Variants in CPB1 observed in about 807,000 individuals in gnomAD.
CPB1 encodes carboxypeptidase B1.
A neutral mutation model predicts 51.4 loss-of-function variants in CPB1; 53 were observed. That is an observed-to-expected ratio of 1.03 (90% CI 0.83 to 1.30). CPB1 has a LOEUF of 1.30. Among genes scored for constraint, CPB1 ranks in the 50% most tolerant of loss-of-function variants. The probability of loss-of-function intolerance (pLI) is 0.00; values close to 1 mark genes in which losing one functional copy is unlikely to be tolerated. For missense variants in CPB1, 494 were observed against 516.2 expected, an observed-to-expected ratio of 0.96 and a Z score of 0.42; for synonymous variants, 189 against 186.9, an observed-to-expected ratio of 1.01 and a Z score of -0.09.
At chr3:148,834,768 G>T in intron 3 of CPB1, 146 bp downstream of exon 3, 1 of 676,426 alleles carries the variant, frequency 1.5e-6, no homozygotes, top group Non-Finnish European at 2.4e-6. Context: ...AGCTGGCCCT[G>T]GATTCCAAGT....
chr3:148,840,263 C>T (rs1050782898), intron 3 of CPB1, among the ~76,000 whole-genome samples: 2 of 152,030 alleles, frequency 1.3e-5, no homozygotes, highest in South Asian at 2.1e-4. Context: ...CTTCCTGAAA[C>T]GCAAGACTTT....
At chr3:148,851,375 A>AAAAGAAAGAAAGAAAG (rs1182321242) in intron 9 of CPB1, 2 of 144,276 alleles carry the variant, frequency 1.4e-5, no homozygotes, top group African/African-American at 5.1e-5. Context: ...AAGAGAGAAA[A>AAAAGAAAGAAAGAAAG]AAAGAAAGAA....
chr3:148,844,715 A>G lies in CPB1; in HGVS notation c.726A>G (p.Gly242=), dbSNP rs1713183309. ...GAAAGACTCGCTCCACCCATACTGGATCTAGCTGCATTGGCACAGACCCCA... is the reference window on the plus strand; with the variant it reads ...GAAAGACTCGCTCCACCCATACTGGGTCTAGCTGCATTGGCACAGACCCCA... The part of the protein sequence containing the change: ...FWRKTRSTHT[G]SSCIGTDPNR... The change falls in exon 8 of 11, where the codon GGA becomes GGG. Residue 242 remains glycine (G), a synonymous_variant. Transcript: ENST00000282957. 1 of 1,613,904 alleles carries G rather than the reference A, an allele frequency of 6.2e-7. No homozygotes were observed. The highest frequency in any genetic ancestry group is 1.3e-5 in the African/African-American group (1 of 74,928).
chr3:148,847,404 A>C (rs1017992524), intron 9 of CPB1, among the ~76,000 whole-genome samples: 8 of 145,718 alleles, frequency 5.5e-5, no homozygotes, highest in Admixed American at 4.8e-4. Flanking sequence ...AAAGACAAGT[A>C]AGTCCTGCCT....
At chr3:148,844,393 A>G (rs1269572832) in intron 6 of CPB1, 85 bp from the exon 7 acceptor site, 3 of 962,762 alleles carry the variant, frequency 3.1e-6, no homozygotes, top group Non-Finnish European at 4.8e-6. Flanking sequence ...TTATTACCAA[A>G]GTTAACATTC....
intron 9 of CPB1, among the ~76,000 whole-genome samples, chr3:148,846,795 G>GTGTGTATATA (rs1371825496): frequency 2.5e-5 from 1 of 40,488 alleles, no homozygotes; most frequent in Admixed American, 3.2e-4. Context: ...GTGTGTGCGT[G>GTGTGTATATA]TGTATATATA....
chr3:148,845,814 G>A (rs570214524), intron 9 of CPB1, among the ~76,000 whole-genome samples, 188 bp downstream of exon 9: 5 of 152,138 alleles, frequency 3.3e-5, no homozygotes, highest in African/African-American at 9.6e-5. Context: ...CAATTTTCAC[G>A]CAGGAAATTG....
Position 148,857,540 on chromosome 3 carries a change from CTG to C in CPB1, c.1066+2_1066+3del, listed in dbSNP as rs1254133188. On this transcript the variant is annotated splice_donor_variant and coding_sequence_variant, in exon 10 of 11. Transcript: ENST00000282957. LOFTEE classifies it high-confidence loss of function. Reference sequence around the variant, plus strand: ...CATATGGCCCGGGAGCTACAACAATCTGTGAGTCTTGGCTTCAGAACTGTGCA... The same window carrying C: ...CATATGGCCCGGGAGCTACAACAATCTGAGTCTTGGCTTCAGAACTGTGCA... 1.2e-6 allele frequency: 2 copies of C among 1,612,400 alleles called. No homozygotes were observed. The highest frequency in any genetic ancestry group is 1.7e-6 in the Non-Finnish European group (2 of 1,178,570).
chr3:148,834,647 A>T, intron 3 of CPB1, 25 bp downstream of exon 3: 2 of 1,590,418 alleles, frequency 1.3e-6, no homozygotes, highest in African/African-American at 1.3e-5. Flanking sequence ...TATAAATATT[A>T]AAATTCTCTC....
intron 10 of CPB1, among the ~76,000 whole-genome samples, chr3:148,858,118 G>T (rs1713639381): frequency 6.6e-6 from 1 of 152,156 alleles, no homozygotes. Flanking sequence ...GCAAAAATAA[G>T]CAGTCTTTTG....
At chr3:148,844,448 A>G in intron 6 of CPB1, 30 bp from the exon 7 acceptor site, 4 of 1,539,594 alleles carry the variant, frequency 2.6e-6, no homozygotes, top group Non-Finnish European at 3.6e-6. Flanking sequence ...CCATTTTTCC[A>G]TGAAATTCCT....
chr3:148,835,767 G>A (rs1216262218), intron 3 of CPB1, among the ~76,000 whole-genome samples: 1 of 152,046 alleles, frequency 6.6e-6, no homozygotes, highest in African/African-American at 2.4e-5. Context: ...TTGGAAGAAT[G>A]TAGCCTATAT....
intron 5 of CPB1, among the ~76,000 whole-genome samples, chr3:148,841,234 C>G (rs1559958514): frequency 6.6e-6 from 1 of 152,158 alleles, no homozygotes; most frequent in South Asian, 2.1e-4. Flanking sequence ...TTGTAAGCAA[C>G]GTAAATGATT....
intron 8 of CPB1, 125 bp downstream of exon 8, chr3:148,844,892 AGCACC>A: frequency 6.0e-6 from 5 of 829,706 alleles, no homozygotes; most frequent in African/African-American, 1.7e-5. Flanking sequence ...ACCTTCTAAA[AGCACC>A]AAAAAAAAAA....
At chr3:148,848,240 T>C (rs1423021876) in intron 9 of CPB1, among the ~76,000 whole-genome samples, 1 of 152,306 alleles carries the variant, frequency 6.6e-6, no homozygotes, top group Non-Finnish European at 1.5e-5. Context: ...TTAACAGTTT[T>C]ACAGTTTTTA....
At chr3:148,833,539 C>A (rs1340821953) in intron 2 of CPB1, among the ~76,000 whole-genome samples, 1 of 152,078 alleles carries the variant, frequency 6.6e-6, no homozygotes, top group Admixed American at 6.6e-5. Context: ...TCTCTAGCCC[C>A]AAAGCAGTGC....
chr3:148,854,872 G>A (rs1429747439), intron 9 of CPB1: 1 of 152,204 alleles, frequency 6.6e-6, no homozygotes, highest in East Asian at 1.9e-4. Flanking sequence ...TCCTAAGAGA[G>A]TAGAGGCAGC....
intron 9 of CPB1, chr3:148,854,776 G>GCAAAAACAAAA (rs1197075290): frequency 2.6e-5 from 4 of 152,182 alleles, no homozygotes; most frequent in African/African-American, 9.7e-5. Context: ...ACCTGGTGAG[G>GCAAAAACAAAA]AAATAGATGC....
At position 148,860,097 on chromosome 3, in the gene CPB1, C is replaced by G; in HGVS notation, c.*95C>G. The G allele has an allele frequency of 8.3e-7, 1 of 1,202,252 alleles. No individual in the cohort carries two copies. The highest frequency in any genetic ancestry group is 1.5e-5 in the South Asian group (1 of 66,830). The allele number at this position is 1,202,252 out of a possible 1,614,324, so 74.5% of individuals were successfully genotyped here. ...TGGTTTGCCTGGATGTTTTGCAGATCCCAATCTTTCTTTTAAGCTTCTGGG... is the reference window on the plus strand; with the variant it reads ...TGGTTTGCCTGGATGTTTTGCAGATGCCAATCTTTCTTTTAAGCTTCTGGG... On this transcript the variant is annotated 3_prime_UTR_variant, in exon 11 of 11. Transcript: ENST00000282957.
Sources: allele counts gnomAD v4.1 joint callset (sites outside exome capture counted in the v4.1 genomes callset), GRCh38; gene constraint gnomAD v4.1.1; transcripts MANE v1.5; gene names NCBI Gene and HGNC (gene_info 2026-07-23, HGNC 2026-07-21).